The following C16orf92 variants were observed in gnomAD, a reference collection of about 807,000 sequenced individuals.
C16orf92 encodes the protein fertilization-influencing membrane protein.
A neutral mutation model predicts 13.7 loss-of-function variants in C16orf92; 14 were observed. The ratio of observed to expected loss-of-function variants is 1.02; its 90% CI spans 0.67 to 1.60. The LOEUF is 1.60. Ranked by LOEUF, C16orf92 falls within the 40% of genes most tolerant of loss-of-function variation. The pLI is 0.00. For synonymous variants in C16orf92, 50 were observed against 57.4 expected, an observed-to-expected ratio of 0.87 and a Z score of 0.58; for missense variants, 116 against 139.0, an observed-to-expected ratio of 0.83 and a Z score of 0.83.
chr16:30,023,214 T>C lies in C16orf92; in HGVS notation c.-127T>C. The C allele has an allele frequency of 1.3e-6, 1 of 784,366 alleles. No individual in the cohort carries two copies. Among genetic ancestry groups the C allele is most frequent in the Non-Finnish European group, 2.1e-6 (1 of 476,790 alleles). The allele number at this position is 784,366 out of a possible 1,614,324, so 48.6% of individuals were successfully genotyped here. On this transcript the variant is annotated 5_prime_UTR_variant, in exon 1 of 4. Coordinates refer to ENST00000681219, the MANE Select transcript of C16orf92 (RefSeq NM_001109659.2). Reference sequence around the variant, plus strand: ...GGTCCCAACCTCTCTTCTCCTCTCCTCTTCTGATGAGAGTGAGGGATGGGG... The same window carrying C: ...GGTCCCAACCTCTCTTCTCCTCTCCCCTTCTGATGAGAGTGAGGGATGGGG...
In C16orf92 at chr16:30,024,140, G is replaced by A. The variant is rs1016607010; in HGVS notation, c.311+54G>A. On this transcript the variant is annotated intron_variant, in intron 3 of 3. Transcript: ENST00000681219. ...ACCCACCACCACCTTCCTTGGGAGC[G>A]GCTGAAGACCCCAGTTCTAGCGGGG... is the stretch of plus-strand genomic sequence containing the variant. 5.2e-5 allele frequency: 83 copies of A among 1,608,640 alleles called. No individual in the cohort carries two copies. In the East Asian group the frequency reaches 6.9e-4, roughly 13 times the overall value.
chr16:30,027,135 G>C (rs963015833), downstream of C16orf92: 1 of 526,354 alleles, frequency 1.9e-6, no homozygotes, highest in African/African-American at 1.9e-5. Flanking sequence ...CAGACCAAAA[G>C]GCACAGATAC....
chr16:30,025,672 T>C, downstream of C16orf92: 1 of 1,564,864 alleles, frequency 6.4e-7, no homozygotes, highest in South Asian at 1.1e-5. The surrounding 1 kb of genome is among the most constrained non-coding windows in gnomAD (Gnocchi z 4.1). Context: ...TGAAGGTCCC[T>C]CCCCTTCCTG....
downstream of C16orf92, chr16:30,025,762 G>A (rs138471923): frequency 3.7e-6 from 6 of 1,614,042 alleles, no homozygotes; most frequent in Non-Finnish European, 5.1e-6. The surrounding 1 kb of genome is among the most constrained non-coding windows in gnomAD (Gnocchi z 4.1). Flanking sequence ...CGAAGGGCGT[G>A]CTGACCTCTG....
Position 30,023,357 on chromosome 16 carries a change from G to T in C16orf92, c.17G>T (p.Trp6Leu). MRLWPWVLVWVWLAAL... is the reference protein window; with the variant it reads MRLWPLVLVWVWLAAL... The stretch of plus-strand genomic sequence containing the variant: ...ATAGGAGTCATGAGGCTGTGGCCAT[G>T]GGTGCTGGTGTGGGTGTGGCTGGCT... The change falls in exon 1 of 4, where the codon TGG (tryptophan) becomes TTG (leucine). Residue 6 changes from tryptophan (W) to leucine (L), a missense_variant. By Grantham distance (61) the Trp-to-Leu change is moderately conservative. Coordinates refer to ENST00000681219, the MANE Select transcript of C16orf92 (RefSeq NM_001109659.2). 1 of 1,608,560 alleles carries T rather than the reference G, an allele frequency of 6.2e-7. No individual in the cohort carries two copies. Among genetic ancestry groups the T allele is most frequent in the Non-Finnish European group, 8.5e-7 (1 of 1,177,828 alleles).
chr16:30,023,307 G>T lies in C16orf92; in HGVS notation c.-34G>T. On this transcript the variant is annotated 5_prime_UTR_variant, in exon 1 of 4. An upstream open reading frame in the 5' UTR loses its in-frame stop. Transcript: ENST00000681219. ...TGCCATCAGAACAGCTCTGGGCTGT[G>T]ACATCACAGAGCCCCCACCTCATGA... 2 of 1,570,660 alleles carry T rather than the reference G, an allele frequency of 1.3e-6. No homozygotes were observed. Among genetic ancestry groups the T allele is most frequent in the South Asian group, 2.3e-5 (2 of 86,078 alleles).
chr16:30,024,386 T>G lies in C16orf92; in HGVS notation c.*159T>G. Reference sequence around the variant, plus strand: ...CCCATGGCCCAAGCCCCCCACCTCCTCCCTTCCCAGCCCCAAAGAACTTGG... The same window carrying G: ...CCCATGGCCCAAGCCCCCCACCTCCGCCCTTCCCAGCCCCAAAGAACTTGG... On this transcript the variant is annotated 3_prime_UTR_variant, in exon 4 of 4. Transcript: ENST00000681219. 9.9e-7 allele frequency: 1 copy of G among 1,010,760 alleles called. No individual in the cohort carries two copies. The allele number at this position is 1,010,760 out of a possible 1,614,324, so 62.6% of individuals were successfully genotyped here.
chr16:30,026,078 CA>C (rs979154105), downstream of C16orf92, among the ~76,000 whole-genome samples: 2 of 151,808 alleles, frequency 1.3e-5, no homozygotes, highest in Non-Finnish European at 2.9e-5. Flanking sequence ...CTAAAAATAC[CA>C]AAAAAATTAG....
downstream of C16orf92, chr16:30,027,188 T>A (rs1831483540): frequency 2.1e-6 from 1 of 472,564 alleles, no homozygotes; most frequent in South Asian, 1.5e-5. Flanking sequence ...GACCTTGCCA[T>A]GGTTATTTGT....
chr16:30,025,046 T>A, downstream of C16orf92: 1 of 601,242 alleles, frequency 1.7e-6, no homozygotes. This position sits in a 1 kb window ranked among gnomAD's most constrained non-coding sequence, Gnocchi z 4.1. Context: ...AGATGGGGCC[T>A]CTTCCCTTTC....
chr16:30,026,987 G>C, downstream of C16orf92: 1 of 737,812 alleles, frequency 1.4e-6, no homozygotes. Flanking sequence ...TAGAGGGTGA[G>C]AAACTTGCCC....
At chr16:30,025,693 A>G (rs1383081249), downstream of C16orf92, 1 of 1,607,330 alleles carries the variant, frequency 6.2e-7, no homozygotes, top group South Asian at 1.1e-5. The surrounding 1 kb of genome is among the most constrained non-coding windows in gnomAD (Gnocchi z 4.1). Flanking sequence ...TGACCTCCCC[A>G]TTGGGCTCCT....
Position 30,023,284 on chromosome 16 carries a change from C to G in C16orf92, c.-57C>G, listed in dbSNP as rs992041230. 1.3e-6 allele frequency: 2 copies of G among 1,493,820 alleles called. No individual in the cohort carries two copies. 92.5% of individuals were successfully genotyped at this position (1,493,820 alleles called of 1,614,324 possible). A position where few individuals can be genotyped will look rare whatever the true frequency, so the allele number is the denominator to read the frequency against. On this transcript the variant is annotated 5_prime_UTR_variant, in exon 1 of 4. Transcript: ENST00000681219. ...CACTTTCTCCCCTCACCCCAAAGTG[C>G]CATCAGAACAGCTCTGGGCTGTGAC...
chr16:30,024,963 A>T, downstream of C16orf92: 2 of 462,536 alleles, frequency 4.3e-6, no homozygotes, highest in Non-Finnish European at 7.5e-6. Context: ...CCCCTCCTCC[A>T]GCGCAAGGGT....
downstream of C16orf92, chr16:30,025,302 G>T: frequency 1.3e-6 from 2 of 1,559,292 alleles, no homozygotes; most frequent in Non-Finnish European, 1.7e-6. This position sits in a 1 kb window ranked among gnomAD's most constrained non-coding sequence, Gnocchi z 4.1. Context: ...GCAGCGCCCA[G>T]GTTGACGTGG....
chr16:30,023,948 A>G (rs1040368548), intron 2 of C16orf92, 51 bp from the exon 3 acceptor site: 2 of 1,592,870 alleles, frequency 1.3e-6, no homozygotes, highest in Non-Finnish European at 1.7e-6. Context: ...GCAGCCCCAG[A>G]CCCTTCATTG....
intron 1 of C16orf92, 27 bp downstream of exon 1, chr16:30,023,431 G>T: frequency 6.2e-7 from 1 of 1,605,844 alleles, no homozygotes; most frequent in Non-Finnish European, 8.5e-7. Flanking sequence ...GGAGCAGCAG[G>T]AAGGCAGGCA....
Position 30,023,204 on chromosome 16 carries a change from TCTC to T in C16orf92, c.-133_-131del, listed in dbSNP as rs1157016397. 7 of 719,898 alleles carry T rather than the reference TCTC, an allele frequency of 9.7e-6. No homozygotes were observed. Among genetic ancestry groups the T allele is most frequent in the South Asian group, 8.4e-5 (5 of 59,200 alleles). 44.6% of individuals were successfully genotyped at this position (719,898 alleles called of 1,614,324 possible). On this transcript the variant is annotated 5_prime_UTR_variant, in exon 1 of 4. Transcript: ENST00000681219. ...GGTGAAGACTGGTCCCAACCTCTCTTCTCCTCTCCTCTTCTGATGAGAGTGAGG... is the reference window on the plus strand; with the variant it reads ...GGTGAAGACTGGTCCCAACCTCTCTTCTCTCCTCTTCTGATGAGAGTGAGG...
At chr16:30,025,051 C>T, downstream of C16orf92, 2 of 613,528 alleles carry the variant, frequency 3.3e-6, no homozygotes, top group Non-Finnish European at 5.4e-6. The surrounding 1 kb of genome is among the most constrained non-coding windows in gnomAD (Gnocchi z 4.1). Context: ...GGGCCTCTTC[C>T]CTTTCGGGGT....
Sources: allele counts gnomAD v4.1 joint callset (sites outside exome capture counted in the v4.1 genomes callset), GRCh38; gene constraint gnomAD v4.1.1; non-coding constraint Gnocchi (gnomAD v3.1); transcripts MANE v1.5; gene names NCBI Gene and HGNC (gene_info 2026-07-23, HGNC 2026-07-21).